HEMK1: variants seen among roughly 807,000 people sequenced by gnomAD.
HEMK1 encodes the protein MTRF1L release factor glutamine methyltransferase.
Under a neutral mutation model 47.9 loss-of-function variants are expected in HEMK1, and 36 were observed. That is an observed-to-expected ratio of 0.75 (90% CI 0.58 to 0.99). The LOEUF (loss-of-function observed/expected upper bound fraction) is 0.99, where lower values mean the gene tolerates loss of function less well. Ranked by LOEUF, HEMK1 falls within the 50% of genes least tolerant of loss-of-function variation. The pLI is 0.00. For missense variants in HEMK1, 383 were observed against 434.5 expected (o/e 0.88, Z 1.05); for synonymous variants, 153 against 165.4 (o/e 0.93, Z 0.57).
At chr3:50,579,329 G>T (rs1036928890) in intron 8 of HEMK1, among the ~76,000 whole-genome samples, 3 of 152,254 alleles carry the variant, frequency 2.0e-5, no homozygotes, top group Middle Eastern at 3.4e-3. Context: ...GTCTGTGGTC[G>T]CATGGGGGCT....
In HEMK1 at chr3:50,587,777, TAG is replaced by T. The variant is rs557630141; in HGVS notation, c.*7364_*7365del. ...AGCTTTTTGAGCTGAGTTACAGGGT[TAG>T]AGAAGCATTGAGGCTGCTCTTTCTG... On this transcript the variant is annotated 3_prime_UTR_variant, in exon 11 of 11. Coordinates refer to ENST00000232854, the MANE Select transcript of HEMK1 (RefSeq NM_016173.5). The surrounding 1 kb of genome is among the most constrained non-coding windows in gnomAD (Gnocchi z 4.2). The T allele has an allele frequency of 7.2e-5, 11 of 152,508 alleles. 1 individual carries two copies. The highest frequency in any genetic ancestry group is 2.6e-4 in the African/African-American group (11 of 41,546). The allele number at this position is 152,508 out of a possible 1,614,324, so 9.4% of individuals were successfully genotyped here. A position where few individuals can be genotyped will look rare whatever the true frequency, so the allele number is the denominator to read the frequency against.
chr3:50,578,014 G>A (rs552586219), intron 7 of HEMK1, 139 bp downstream of exon 7: 5 of 800,578 alleles, frequency 6.2e-6, no homozygotes, highest in Non-Finnish European at 1.1e-5. Context: ...ATACACGTGT[G>A]TGTGTGCACG....
Position 50,586,152 on chromosome 3 carries a change from A to G in HEMK1, c.*5735A>G, listed in dbSNP as rs1473086617. On this transcript the variant is annotated 3_prime_UTR_variant, in exon 11 of 11. Coordinates refer to ENST00000232854, the MANE Select transcript of HEMK1 (RefSeq NM_016173.5). ...CTTCCCCTCTGAGGTAATTGGCTGTACAGCCCCCAGCCTCTGCCCCCCAGG... is the reference window on the plus strand; with the variant it reads ...CTTCCCCTCTGAGGTAATTGGCTGTGCAGCCCCCAGCCTCTGCCCCCCAGG... 1 of 152,222 alleles carries G rather than the reference A, an allele frequency of 6.6e-6. No individual in the cohort carries two copies. The highest frequency in any genetic ancestry group is 1.5e-5 in the Non-Finnish European group (1 of 68,048). The allele number at this position is 152,222 out of a possible 1,614,324, so 9.4% of individuals were successfully genotyped here.
intron 4 of HEMK1, among the ~76,000 whole-genome samples, chr3:50,575,958 G>C (rs927762277): frequency 6.6e-6 from 1 of 152,214 alleles, no homozygotes; most frequent in East Asian, 1.9e-4. Context: ...TGGCTGGGTA[G>C]GCAAGGCTTG....
Position 50,585,645 on chromosome 3 carries a change from A to G in HEMK1, c.*5228A>G, listed in dbSNP as rs1387545139. 2 of 152,246 alleles carry G rather than the reference A, an allele frequency of 1.3e-5. No homozygotes were observed. The highest frequency in any genetic ancestry group is 4.8e-5 in the African/African-American group (2 of 41,456). The allele number at this position is 152,246 out of a possible 1,614,324, so 9.4% of individuals were successfully genotyped here. ...AGACATGGGCCTCATGCTGGGTTTC[A>G]GAGCTGAGAAGCTGGGGGACAGAGA... On this transcript the variant is annotated 3_prime_UTR_variant, in exon 11 of 11. Transcript: ENST00000232854.
chr3:50,579,233 A>G (rs559637897), intron 8 of HEMK1, among the ~76,000 whole-genome samples: 1 of 152,316 alleles, frequency 6.6e-6, no homozygotes, highest in African/African-American at 2.4e-5. Context: ...GAAAGCATCA[A>G]ACACAGTGGA....
At chr3:50,570,042 A>C (rs1049580584) in intron 1 of HEMK1, 2 of 152,108 alleles carry the variant, frequency 1.3e-5, no homozygotes, top group Non-Finnish European at 2.9e-5. Flanking sequence ...GGGTTTCACC[A>C]TGCTGGCCAG....
intron 6 of HEMK1, 68 bp downstream of exon 6, chr3:50,577,641 CT>C: frequency 6.6e-7 from 1 of 1,505,644 alleles, no homozygotes; most frequent in East Asian, 2.3e-5. Flanking sequence ...TCACCAATGT[CT>C]GATTTCTACT....
At position 50,586,796 on chromosome 3, in the gene HEMK1, C is replaced by T. The variant is rs1045447785; in HGVS notation, c.*6379C>T. 2.0e-5 allele frequency: 3 copies of T among 152,242 alleles called. No individual in the cohort carries two copies. Among genetic ancestry groups the T allele is most frequent in the African/African-American group, 2.4e-5 (1 of 41,400 alleles). The allele number at this position is 152,242 out of a possible 1,614,324, so 9.4% of individuals were successfully genotyped here. A position where few individuals can be genotyped will look rare whatever the true frequency, so the allele number is the denominator to read the frequency against. ...CTTCCTTTGCCACCTGAAGACCCCCCACCCCACCTGGCTTTCCAGGAACAG... is the reference window on the plus strand; with the variant it reads ...CTTCCTTTGCCACCTGAAGACCCCCTACCCCACCTGGCTTTCCAGGAACAG... On this transcript the variant is annotated 3_prime_UTR_variant, in exon 11 of 11. Transcript: ENST00000232854.
At position 50,571,693 on chromosome 3, in the gene HEMK1, A is replaced by T. The variant is rs1226500877; in HGVS notation, c.229-17A>T. ...TGGGCCCAGTGAGCCAGCCACTTAT[A>T]TTCTCTGTGGGGACAGTTTCAGAGC... On this transcript the variant is annotated splice_polypyrimidine_tract_variant and intron_variant, in intron 2 of 10. Coordinates refer to ENST00000232854, the MANE Select transcript of HEMK1 (RefSeq NM_016173.5). 2 of 1,613,526 alleles carry T rather than the reference A, an allele frequency of 1.2e-6. No individual in the cohort carries two copies. Among genetic ancestry groups the T allele is most frequent in the Non-Finnish European group, 8.5e-7 (1 of 1,179,498 alleles).
Position 50,586,580 on chromosome 3 carries a change from C to T in HEMK1, c.*6163C>T, listed in dbSNP as rs1414071444. ...CTCCCTCTTGTACTAGGTCTGCGGC[C>T]CTCTTCTGGGGCATGTGGCTGGGGA... On this transcript the variant is annotated 3_prime_UTR_variant, in exon 11 of 11. Coordinates refer to ENST00000232854, the MANE Select transcript of HEMK1 (RefSeq NM_016173.5). 1 of 152,362 alleles carries T rather than the reference C, an allele frequency of 6.6e-6. No individual in the cohort carries two copies. The highest frequency in any genetic ancestry group is 1.5e-5 in the Non-Finnish European group (1 of 68,176). The allele number at this position is 152,362 out of a possible 1,614,324, so 9.4% of individuals were successfully genotyped here.
In HEMK1 at chr3:50,570,914, G is replaced by T; in HGVS notation, c.-174-17G>T. 2 of 487,514 alleles carry T rather than the reference G, an allele frequency of 4.1e-6. No homozygotes were observed. The highest frequency in any genetic ancestry group is 3.9e-5 in the Admixed American group (1 of 25,766). The allele number at this position is 487,514 out of a possible 1,614,324, so 30.2% of individuals were successfully genotyped here. A position where few individuals can be genotyped will look rare whatever the true frequency, so the allele number is the denominator to read the frequency against. ...CATACAAGGCTCACCTGCTTTCCTG[G>T]TTCCTCTCACTCCCAGGGTGGCAAC... On this transcript the variant is annotated splice_polypyrimidine_tract_variant and intron_variant, in intron 1 of 10. Transcript: ENST00000232854.
At chr3:50,578,790 C>T (rs2030228931) in intron 7 of HEMK1, 31 bp from the exon 8 acceptor site, 3 of 1,468,988 alleles carry the variant, frequency 2.0e-6, no homozygotes, top group Admixed American at 1.7e-5. Context: ...ATGGGTTAGT[C>T]CCTACTGTGT....
rs557511023 is a variant in HEMK1 at position 50,591,013 on chromosome 3, T to G, written c.*10596T>G. The stretch of plus-strand genomic sequence containing the variant: ...CCCCTCCTTTCTGTCTTCCTTCCGC[T>G]TAGTCACAGCCAAGAGCTCAGTACC... On this transcript the variant is annotated 3_prime_UTR_variant, in exon 11 of 11. Coordinates refer to ENST00000232854, the MANE Select transcript of HEMK1 (RefSeq NM_016173.5). The G allele has an allele frequency of 1.3e-5, 2 of 152,342 alleles. No individual in the cohort carries two copies. Among genetic ancestry groups the G allele is most frequent in the African/African-American group, 4.8e-5 (2 of 41,548 alleles). The allele number at this position is 152,342 out of a possible 1,614,324, so 9.4% of individuals were successfully genotyped here.
rs1409776626 is a variant in HEMK1 at position 50,584,766 on chromosome 3, G to A, written c.*4349G>A. On this transcript the variant is annotated 3_prime_UTR_variant, in exon 11 of 11. Transcript: ENST00000232854. The stretch of plus-strand genomic sequence containing the variant: ...TGTTTTCACATGTGTGAAAACACAT[G>A]TGTGATAATTTGTTACAGCAGCCAC... 3 of 136,980 alleles carry A rather than the reference G, an allele frequency of 2.2e-5. No homozygotes were observed. The highest frequency in any genetic ancestry group is 8.1e-5 in the African/African-American group (3 of 37,144). The allele number at this position is 136,980 out of a possible 1,614,324, so 8.5% of individuals were successfully genotyped here. A position where few individuals can be genotyped will look rare whatever the true frequency, so the allele number is the denominator to read the frequency against.
At chr3:50,578,705 T>G in intron 7 of HEMK1, 116 bp from the exon 8 acceptor site, 1 of 685,974 alleles carries the variant, frequency 1.5e-6, no homozygotes, top group Non-Finnish European at 2.5e-6. Flanking sequence ...GCTTATCAGA[T>G]CCAGAGGCAG....
intron 2 of HEMK1, 29 bp downstream of exon 2, chr3:50,571,361 G>A: frequency 6.7e-7 from 1 of 1,500,092 alleles, no homozygotes; most frequent in Non-Finnish European, 9.1e-7. Context: ...AAGAGGACAG[G>A]AAGAGGGAGG....
In HEMK1 at chr3:50,579,837, C is replaced by T. The variant is rs1357768269; in HGVS notation, c.771-7C>T. On this transcript the variant is annotated splice_polypyrimidine_tract_variant and splice_region_variant and intron_variant, in intron 8 of 10. Transcript: ENST00000232854. ...AGGCTGTCACCTCCCACTGCTTTGC[C>T]TTTCAGCTATGAAGACCCCGCGGCC... The T allele has an allele frequency of 1.9e-6, 3 of 1,609,418 alleles. No individual in the cohort carries two copies. In the Admixed American group the frequency reaches 5.0e-5, roughly 27 times the overall value.
In HEMK1 at chr3:50,589,350, A is replaced by G. The variant is rs927665955; in HGVS notation, c.*8933A>G. On this transcript the variant is annotated 3_prime_UTR_variant, in exon 11 of 11. Transcript: ENST00000232854. Reference sequence around the variant, plus strand: ...AGCACAAACCCTGTTCTCTGAGCACATAGGAAGGATTCTAATGTGTCATAA... The same window carrying G: ...AGCACAAACCCTGTTCTCTGAGCACGTAGGAAGGATTCTAATGTGTCATAA... The G allele has an allele frequency of 3.9e-5, 6 of 152,240 alleles. No homozygotes were observed. Among genetic ancestry groups the G allele is most frequent in the African/African-American group, 1.4e-4 (6 of 41,454 alleles). The allele number at this position is 152,240 out of a possible 1,614,324, so 9.4% of individuals were successfully genotyped here.
Sources: gnomAD v4.1 joint callset for allele counts (sites outside exome capture counted in the v4.1 genomes callset) on GRCh38, gnomAD v4.1.1 for gene constraint, Gnocchi (gnomAD v3.1) non-coding constraint, MANE v1.5 for transcripts, NCBI Gene and HGNC (gene_info 2026-07-23, HGNC 2026-07-21) for gene names.